The following PIP4K2A variants were observed in gnomAD, a reference collection of about 807,000 sequenced individuals.
PIP4K2A encodes the protein phosphatidylinositol 5-phosphate 4-kinase type-2 alpha.
PIP4K2A carries 14 observed loss-of-function variants against 42.9 expected under a neutral mutation model. The ratio of observed to expected loss-of-function variants is 0.33; its 90% confidence interval spans 0.22 to 0.51. The LOEUF is 0.51. PIP4K2A is among the 20% of genes least tolerant of loss of function. PIP4K2A has a pLI of 0.97. For synonymous variants in PIP4K2A, 192 were observed against 192.2 expected, an observed-to-expected ratio of 1.00 and a Z score of 0.01; for missense variants, 434 against 519.8, an observed-to-expected ratio of 0.83 and a Z score of 1.61.
intron 6 of PIP4K2A, among the ~76,000 whole-genome samples, chr10:22,554,552 G>A (rs1239736846): frequency 2.6e-5 from 4 of 152,202 alleles, no homozygotes; most frequent in Admixed American, 6.5e-5. Flanking sequence ...CCAGAGGGTG[G>A]AAGAAACCCC....
intron 1 of PIP4K2A, among the ~76,000 whole-genome samples, chr10:22,689,985 G>C (rs1839831235): frequency 6.6e-6 from 1 of 150,940 alleles, no homozygotes; most frequent in Non-Finnish European, 1.5e-5. Context: ...GAGCCCTGCA[G>C]GGGGAAAAAA....
At chr10:22,591,320 G>A (rs765097112) in intron 4 of PIP4K2A, among the ~76,000 whole-genome samples, 1 of 152,200 alleles carries the variant, frequency 6.6e-6, no homozygotes, top group Non-Finnish European at 1.5e-5. Flanking sequence ...AAAAACTTCT[G>A]CAAAGTTGCC....
At chr10:22,683,946 C>T (rs1839712855) in intron 1 of PIP4K2A, among the ~76,000 whole-genome samples, 1 of 151,952 alleles carries the variant, frequency 6.6e-6, no homozygotes, top group Non-Finnish European at 1.5e-5. Context: ...CTTCCTTGCC[C>T]GGAACGTTCC....
chr10:22,548,843 C>T (rs931619845), intron 7 of PIP4K2A, among the ~76,000 whole-genome samples: 2 of 150,512 alleles, frequency 1.3e-5, no homozygotes, highest in Non-Finnish European at 3.0e-5. Flanking sequence ...GCCAGGAGTT[C>T]AAGACCAGCC....
chr10:22,593,982 A>T (rs979914171), intron 3 of PIP4K2A, among the ~76,000 whole-genome samples: 2 of 152,242 alleles, frequency 1.3e-5, no homozygotes, highest in Non-Finnish European at 2.9e-5. Context: ...TCATGGGCCA[A>T]TAGGGTGAAT....
chr10:22,603,927 T>C (rs1405162730), intron 3 of PIP4K2A, among the ~76,000 whole-genome samples: 1 of 152,048 alleles, frequency 6.6e-6, no homozygotes, highest in Non-Finnish European at 1.5e-5. Flanking sequence ...ATCATGCAAT[T>C]TAAAAATGCC....
intron 6 of PIP4K2A, among the ~76,000 whole-genome samples, chr10:22,555,208 T>C (rs1836507180): frequency 6.6e-6 from 1 of 152,174 alleles, no homozygotes; most frequent in Non-Finnish European, 1.5e-5. Context: ...CATGGTTATG[T>C]GAACACACTA....
intron 3 of PIP4K2A, among the ~76,000 whole-genome samples, chr10:22,601,152 A>AC (rs1237519257): frequency 2.2e-5 from 3 of 137,354 alleles, no homozygotes; most frequent in East Asian, 2.3e-4. Context: ...AAAAAAAAAA[A>AC]AAAAAAAAAA....
chr10:22,664,076 CGTATATATATAT>C lies in PIP4K2A; in HGVS notation c.144+50095_144+50106del, dbSNP rs1564459815. On this transcript the variant is annotated intron_variant, in intron 1 of 9. Coordinates refer to ENST00000376573, the MANE Select transcript of PIP4K2A (RefSeq NM_005028.5). ...ATGTATATATACATATATATATATA[CGTATATATATAT>C]ACATATATATATATACATATATATA... is the stretch of plus-strand genomic sequence containing the variant. Among the ~76,000 whole-genome samples, 29 of 54,818 alleles carry C rather than the reference CGTATATATATAT, an allele frequency of 5.3e-4. 1 individual carries two copies. Among genetic ancestry groups the C allele is most frequent in the African/African-American group, 4.2e-3 (23 of 5,430 alleles). The allele number at this position is 54,818 out of a possible 152,430, so 36.0% of individuals were successfully genotyped here. A position where few individuals can be genotyped will look rare whatever the true frequency, so the allele number is the denominator to read the frequency against.
chr10:22,544,719 C>G (rs1332744527), intron 7 of PIP4K2A, among the ~76,000 whole-genome samples: 1 of 152,220 alleles, frequency 6.6e-6, no homozygotes, highest in Non-Finnish European at 1.5e-5. Flanking sequence ...TAACACATTT[C>G]CATAGTGCCG....
At chr10:22,666,315 T>A (rs1255950478) in intron 1 of PIP4K2A, among the ~76,000 whole-genome samples, 1 of 152,180 alleles carries the variant, frequency 6.6e-6, no homozygotes, top group Non-Finnish European at 1.5e-5. Context: ...TTACTGATTA[T>A]CAACCAGTTT....
intron 6 of PIP4K2A, among the ~76,000 whole-genome samples, chr10:22,566,075 C>G (rs1836841558): frequency 6.6e-6 from 1 of 152,198 alleles, no homozygotes. Flanking sequence ...CCTGCCTCCA[C>G]TTGCCTTGTG....
In PIP4K2A at chr10:22,561,565, G is replaced by GTTTTTTTTTTTTTTTTTTTTTTTT. The variant is rs71394001; in HGVS notation, c.678+6262_678+6285dup. Among the ~76,000 whole-genome samples the GTTTTTTTTTTTTTTTTTTTTTTTT allele has an allele frequency of 1.3e-4, 15 of 113,500 alleles. 7 individuals carry two copies. The highest frequency in any genetic ancestry group is 7.1e-5 in the African/African-American group (2 of 28,314). 74.5% of individuals were successfully genotyped at this position (113,500 alleles called of 152,430 possible). ...TATGTCACCAGAGATTCTCTACGCA[G>GTTTTTTTTTTTTTTTTTTTTTTTT]TTTTTTTTTTTTTTTTTTTTTTTTT... On this transcript the variant is annotated intron_variant, in intron 6 of 9. Transcript: ENST00000376573.
At chr10:22,576,240 G>A (rs1443928592) in intron 4 of PIP4K2A, among the ~76,000 whole-genome samples, 1 of 152,200 alleles carries the variant, frequency 6.6e-6, no homozygotes, top group Non-Finnish European at 1.5e-5. Context: ...GCACACTGCT[G>A]CATTTCAGTG....
intron 1 of PIP4K2A, among the ~76,000 whole-genome samples, chr10:22,688,365 A>G (rs1455239352): frequency 5.3e-5 from 8 of 152,328 alleles, no homozygotes; most frequent in African/African-American, 1.7e-4. Context: ...GCACAAAGTT[A>G]AGAACCATTT....
chr10:22,567,836 C>T lies in PIP4K2A; in HGVS notation c.678+15G>A, dbSNP rs780538754. 6.2e-7 allele frequency: 1 copy of T among 1,607,840 alleles called. No homozygotes were observed. The highest frequency in any genetic ancestry group is 8.5e-7 in the Non-Finnish European group (1 of 1,174,262). On this transcript the variant is annotated intron_variant, in intron 6 of 9. Coordinates refer to ENST00000376573, the MANE Select transcript of PIP4K2A (RefSeq NM_005028.5). ...TGCCCCCAGGACATGGGGAGACATACAGCAAGGTACTTACCTTTTCTTTGT... is the reference window on the plus strand; with the variant it reads ...TGCCCCCAGGACATGGGGAGACATATAGCAAGGTACTTACCTTTTCTTTGT...
chr10:22,662,878 C>T (rs1443709791), intron 1 of PIP4K2A, among the ~76,000 whole-genome samples: 1 of 152,226 alleles, frequency 6.6e-6, no homozygotes, highest in Non-Finnish European at 1.5e-5. Flanking sequence ...GAACTCCAAG[C>T]CTGGGCTTAC....
chr10:22,639,534 G>C (rs576166006), intron 1 of PIP4K2A, among the ~76,000 whole-genome samples: 106 of 151,820 alleles, frequency 7.0e-4, no homozygotes, highest in African/African-American at 2.1e-3. Context: ...AAAAAAGTGG[G>C]TAATATACTC....
chr10:22,608,108 A>G, intron 2 of PIP4K2A, 85 bp from the exon 3 acceptor site: 1 of 839,006 alleles, frequency 1.2e-6, no homozygotes, highest in South Asian at 1.6e-5. Context: ...AGGTAGCCAA[A>G]GAAGGGTTCA....
Sources: gnomAD v4.1 joint callset for allele counts (sites outside exome capture counted in the v4.1 genomes callset) on GRCh38, gnomAD v4.1.1 for gene constraint, MANE v1.5 for transcripts, NCBI Gene and HGNC (gene_info 2026-07-23, HGNC 2026-07-21) for gene names.